Variants in RABGAP1L observed in about 807,000 individuals in gnomAD.
RABGAP1L encodes the protein rab GTPase-activating protein 1-like.
In RABGAP1L, 63 loss-of-function variants were observed where a neutral mutation model predicts 137.7. The ratio of observed to expected loss-of-function variants is 0.46; its 90% confidence interval spans 0.37 to 0.56. RABGAP1L has a LOEUF of 0.56. Among genes scored for constraint, RABGAP1L ranks in the 20% least tolerant of loss-of-function variants. RABGAP1L has a pLI of 0.00. For synonymous variants in RABGAP1L, 431 were observed against 433.7 expected (o/e 0.99, Z 0.08); for missense variants, 1,095 against 1,244.0 (o/e 0.88, Z 1.80).
intron 19 of RABGAP1L, among the ~76,000 whole-genome samples, chr1:174,878,924 TG>T (rs1195129839): frequency 2.2e-4 from 31 of 138,842 alleles, no homozygotes; most frequent in Middle Eastern, 3.9e-3. Flanking sequence ...TTTTGTGCAT[TG>T]TTTTTTTTTT....
rs1670692283 is a variant in RABGAP1L, at chr1:174,976,901, CCT to C, written c.2649+720_2649+721del. Among the ~76,000 whole-genome samples the C allele has an allele frequency of 2.6e-5, 4 of 152,324 alleles. No homozygotes were observed. The South Asian group carries it at 8.3e-4, about 32-fold the overall frequency. ...TGCTGCTTCATCAGTGTTTTCTACC[CCT>C]GTCAGTCCCAGCCAGGGGCCTGACA... On this transcript the variant is annotated intron_variant, in intron 22 of 25. Transcript: ENST00000681986.
intron 13 of RABGAP1L, among the ~76,000 whole-genome samples, chr1:174,408,104 A>G (rs1649488276): frequency 6.6e-6 from 1 of 152,182 alleles, no homozygotes; most frequent in Non-Finnish European, 1.5e-5. Context: ...GGGGGTACAT[A>G]TGCAGGTTTG....
intron 20 of RABGAP1L, 80 bp downstream of exon 20, chr1:174,957,629 C>A: frequency 7.7e-7 from 1 of 1,306,912 alleles, no homozygotes; most frequent in Non-Finnish European, 1.1e-6. Flanking sequence ...GTTGCCCAGG[C>A]TGGTCTTGAA....
intron 7 of RABGAP1L, among the ~76,000 whole-genome samples, chr1:174,265,803 A>T (rs1456751267): frequency 2.0e-5 from 3 of 151,862 alleles, no homozygotes; most frequent in African/African-American, 7.3e-5. Flanking sequence ...TTGGTTGAAA[A>T]TTTAAAAAAA....
chr1:174,831,531 TATTC>T (rs1692114050), intron 19 of RABGAP1L, among the ~76,000 whole-genome samples: 1 of 148,352 alleles, frequency 6.7e-6, no homozygotes, highest in South Asian at 2.2e-4. Context: ...TCAACCTAAC[TATTC>T]AGTGTTTTGC....
chr1:174,925,168 A>T (rs1366395561), intron 19 of RABGAP1L, among the ~76,000 whole-genome samples: 3 of 151,986 alleles, frequency 2.0e-5, no homozygotes, highest in Non-Finnish European at 4.4e-5. Flanking sequence ...GATTGAGACC[A>T]TCCTGGCTAA....
In RABGAP1L at chr1:174,461,603, T is replaced by G. The variant is rs78973782; in HGVS notation, c.1710+67458T>G. Among the ~76,000 whole-genome samples, 584 of 152,298 alleles carry G rather than the reference T, an allele frequency of 3.8e-3. 6 individuals carry two copies. Among genetic ancestry groups the G allele is most frequent in the African/African-American group, 0.014 (566 of 41,570 alleles). On this transcript the variant is annotated intron_variant, in intron 13 of 25. Coordinates refer to ENST00000681986, the MANE Select transcript of RABGAP1L (RefSeq NM_001366446.1). ...TCTATTTCTTGAGCCGAATTGAATT[T>G]AATTGTCAGAGTTAACAGTAGTTCT...
At chr1:174,211,210 G>A (rs901766394) in intron 1 of RABGAP1L, among the ~76,000 whole-genome samples, 2 of 152,046 alleles carry the variant, frequency 1.3e-5, no homozygotes, top group Non-Finnish European at 2.9e-5. Flanking sequence ...CAGTAACTGT[G>A]GTGTGTAAAC....
At chr1:174,346,243 A>G (rs1682416603) in intron 11 of RABGAP1L, among the ~76,000 whole-genome samples, 1 of 152,160 alleles carries the variant, frequency 6.6e-6, no homozygotes, top group Non-Finnish European at 1.5e-5. Flanking sequence ...CATCAGGACA[A>G]TACTGGCCTT....
chr1:174,258,817 G>T (rs1171080070), intron 7 of RABGAP1L, among the ~76,000 whole-genome samples: 1 of 150,988 alleles, frequency 6.6e-6, no homozygotes, highest in Non-Finnish European at 1.5e-5. Flanking sequence ...TCGCTGTGTT[G>T]CCCAGACTGG....
rs1172765093 is a variant in RABGAP1L, at chr1:174,250,575, T to C, written c.818T>C (p.Val273Ala). ...GTTATTCCTACCCCCGACAGTGATG[T>C]GTTTACCTTCAGTGTCTCCTTGGAG... is the stretch of plus-strand genomic sequence containing the variant. Reference protein sequence around the residue: ...DSVIPTPDSDVFTFSVSLEVK... With the variant: ...DSVIPTPDSDAFTFSVSLEVK... The change falls in exon 6 of 26, where the codon GTG becomes GCG. Residue 273 changes from valine to alanine, a missense_variant. By Grantham distance (64) the Val-to-Ala change is moderately conservative. Transcript: ENST00000681986. 6.2e-7 allele frequency: 1 copy of C among 1,614,008 alleles called. No individual in the cohort carries two copies. Among genetic ancestry groups the C allele is most frequent in the South Asian group, 1.1e-5 (1 of 91,070 alleles).
At chr1:174,238,033 G>C (rs1571709665) in intron 4 of RABGAP1L, among the ~76,000 whole-genome samples, 1 of 151,274 alleles carries the variant, frequency 6.6e-6, no homozygotes, top group East Asian at 1.9e-4. Context: ...ATCTTCCATT[G>C]CTGATACCCT....
chr1:174,773,480 A>G (rs1403403885), intron 18 of RABGAP1L, among the ~76,000 whole-genome samples: 1 of 152,186 alleles, frequency 6.6e-6, no homozygotes, highest in Non-Finnish European at 1.5e-5. Context: ...TCCATTCCAC[A>G]AATCTATGTT....
chr1:174,694,187 CT>C (rs1174201840), intron 15 of RABGAP1L, among the ~76,000 whole-genome samples: 3 of 151,138 alleles, frequency 2.0e-5, no homozygotes, highest in East Asian at 1.9e-4. Context: ...CATTTTTTTT[CT>C]TTTTTTATTT....
chr1:174,870,616 A>G (rs1175479943), intron 19 of RABGAP1L, among the ~76,000 whole-genome samples: 3 of 152,186 alleles, frequency 2.0e-5, no homozygotes, highest in Non-Finnish European at 4.4e-5. Context: ...CCATATTTTA[A>G]TTATCTACAA....
At chr1:174,350,472 C>T (rs1188388926) in intron 11 of RABGAP1L, among the ~76,000 whole-genome samples, 1 of 121,586 alleles carries the variant, frequency 8.2e-6, no homozygotes, top group South Asian at 3.2e-4. Flanking sequence ...GGCAGAGGCG[C>T]TCCCCACATC....
intron 1 of RABGAP1L, among the ~76,000 whole-genome samples, chr1:174,163,081 G>A (rs1226110167): frequency 6.6e-6 from 1 of 152,112 alleles, no homozygotes; most frequent in Admixed American, 6.5e-5. Flanking sequence ...TGAGCATTTT[G>A]CCATTACAAA....
chr1:174,782,718 C>G (rs1170902622), intron 18 of RABGAP1L, among the ~76,000 whole-genome samples: 1 of 152,086 alleles, frequency 6.6e-6, no homozygotes, highest in Non-Finnish European at 1.5e-5. Flanking sequence ...TTTCCTAGGC[C>G]GACTAAGAAT....
chr1:174,550,535 A>C (rs1666351155), intron 13 of RABGAP1L, among the ~76,000 whole-genome samples: 1 of 152,152 alleles, frequency 6.6e-6, no homozygotes, highest in Admixed American at 6.5e-5. Context: ...ATACTGACTC[A>C]TTATTTGTCA....
Sources: allele counts gnomAD v4.1 joint callset (sites outside exome capture counted in the v4.1 genomes callset), GRCh38; gene constraint gnomAD v4.1.1; transcripts MANE v1.5; gene names NCBI Gene and HGNC (gene_info 2026-07-23, HGNC 2026-07-21).